Variants in SAMD5 observed in about 807,000 individuals in gnomAD.
SAMD5 encodes the protein sterile alpha motif domain containing 5, also known as sterile alpha motif domain-containing protein 5.
SAMD5 carries 13 observed loss-of-function variants against 11.3 expected under a neutral mutation model. The observed-to-expected ratio is 1.15, with a 90% CI of 0.75 to 1.83. SAMD5 has a LOEUF of 1.83. Among genes scored for constraint, SAMD5 ranks in the 40% most tolerant of loss-of-function variants. SAMD5 has a pLI of 0.00. For missense variants in SAMD5, 255 were observed against 239.1 expected, an observed-to-expected ratio of 1.07 and a Z score of -0.44; for synonymous variants, 129 against 111.3, an observed-to-expected ratio of 1.16 and a Z score of -1.00.
At chr6:147,715,063 G>A (rs1005871480) in intron 1 of SAMD5, among the ~76,000 whole-genome samples, 1 of 152,206 alleles carries the variant, frequency 6.6e-6, no homozygotes, top group African/African-American at 2.4e-5. Context: ...AAAGGGTAGA[G>A]TTTTACACTC....
chr6:147,719,408 A>G (rs976387404), intron 1 of SAMD5, among the ~76,000 whole-genome samples: 3 of 152,146 alleles, frequency 2.0e-5, no homozygotes, highest in Non-Finnish European at 4.4e-5. Context: ...TTGAGGGCCT[A>G]TGGCTCTTAG....
intron 1 of SAMD5, among the ~76,000 whole-genome samples, chr6:147,553,007 GT>G (rs1788798964): frequency 6.6e-6 from 1 of 152,150 alleles, no homozygotes; most frequent in Non-Finnish European, 1.5e-5. Context: ...TTAGGGGTGG[GT>G]TTACATCACT....
chr6:147,857,439 C>G, the SAMD5 span, among the ~76,000 whole-genome samples: 51 of 151,634 alleles, frequency 3.4e-4, 1 homozygote, highest in East Asian at 6.4e-3. Context: ...CTCAGGATGT[C>G]GAGACTGCAG....
chr6:147,691,958 T>G (rs1371595518), intron 1 of SAMD5, among the ~76,000 whole-genome samples: 1 of 139,388 alleles, frequency 7.2e-6, no homozygotes, highest in Non-Finnish European at 1.5e-5. Flanking sequence ...CCTTCAGCTA[T>G]AAGTAGGATG....
At position 147,703,929 on chromosome 6, in the gene SAMD5, T is replaced by C. The variant is rs190690325; in HGVS notation, c.163-33388T>C. ...TATTTATTTTTAGACGGATTCTTGCTCTGACGCCCAGGCTGGAGTGCAGTG... is the reference window on the plus strand; with the variant it reads ...TATTTATTTTTAGACGGATTCTTGCCCTGACGCCCAGGCTGGAGTGCAGTG... On this transcript the variant is annotated intron_variant, in intron 1 of 1. Transcript: ENST00000566741. Among the ~76,000 whole-genome samples, 14 of 152,336 alleles carry C rather than the reference T, an allele frequency of 9.2e-5. No homozygotes were observed. In the East Asian group the frequency reaches 2.7e-3, roughly 29 times the overall value.
At chr6:147,705,771 G>T (rs1791317408) in intron 1 of SAMD5, among the ~76,000 whole-genome samples, 1 of 152,108 alleles carries the variant, frequency 6.6e-6, no homozygotes, top group African/African-American at 2.4e-5. Flanking sequence ...TATTGATTTG[G>T]GCATAATTAT....
chr6:147,591,857 C>T (rs1438571083), intron 1 of SAMD5, among the ~76,000 whole-genome samples: 2 of 152,112 alleles, frequency 1.3e-5, no homozygotes, highest in Non-Finnish European at 2.9e-5. Context: ...TCCCCAGAGC[C>T]TTCTCAGAGT....
At chr6:147,661,083 G>A (rs1413840707) in intron 1 of SAMD5, among the ~76,000 whole-genome samples, 4 of 152,150 alleles carry the variant, frequency 2.6e-5, no homozygotes, top group African/African-American at 9.7e-5. Flanking sequence ...CGGTGTGAAA[G>A]TTCTGGATGA....
At chr6:147,903,051 C>T in the SAMD5 span, among the ~76,000 whole-genome samples, 1 of 152,142 alleles carries the variant, frequency 6.6e-6, no homozygotes, top group Non-Finnish European at 1.5e-5. Context: ...TCTATAATAT[C>T]AAAAGGTAAG....
the SAMD5 span, among the ~76,000 whole-genome samples, chr6:147,781,159 G>GTTT: frequency 7.3e-6 from 1 of 137,768 alleles, no homozygotes; most frequent in Non-Finnish European, 1.6e-5. Context: ...TTTTGGATTT[G>GTTT]TTTTTTTTTT....
At chr6:147,706,517 C>T (rs894873774) in intron 1 of SAMD5, among the ~76,000 whole-genome samples, 7 of 152,130 alleles carry the variant, frequency 4.6e-5, no homozygotes, top group Non-Finnish European at 1.0e-4. Flanking sequence ...CGTGAGCCAC[C>T]GCACCCAGCC....
chr6:147,952,636 T>C, the SAMD5 span, among the ~76,000 whole-genome samples: 1 of 152,052 alleles, frequency 6.6e-6, no homozygotes, highest in Admixed American at 6.6e-5. Flanking sequence ...TCAGCCTCCC[T>C]AGTAGCTGGG....
the SAMD5 span, among the ~76,000 whole-genome samples, chr6:147,917,330 T>A: frequency 6.7e-6 from 1 of 148,196 alleles, no homozygotes; most frequent in Non-Finnish European, 1.5e-5. Context: ...TTTTTTCATG[T>A]GTTTTTTGGC....
intron 1 of SAMD5, among the ~76,000 whole-genome samples, chr6:147,685,762 C>T (rs555869954): frequency 1.3e-5 from 2 of 152,116 alleles, no homozygotes; most frequent in African/African-American, 4.8e-5. Flanking sequence ...TTTTGTAGAA[C>T]ATCATGTGGG....
intron 1 of SAMD5, among the ~76,000 whole-genome samples, chr6:147,665,022 A>G (rs1037021107): frequency 1.3e-5 from 2 of 152,188 alleles, no homozygotes; most frequent in African/African-American, 4.8e-5. Context: ...GAATCATTCA[A>G]CCTTGTTTAA....
At chr6:147,591,237 A>G (rs187651523) in intron 1 of SAMD5, among the ~76,000 whole-genome samples, 3 of 152,284 alleles carry the variant, frequency 2.0e-5, no homozygotes, top group Admixed American at 6.5e-5. Flanking sequence ...TCATATTGAT[A>G]AGAAAAGCAC....
At chr6:147,854,973 A>G in the SAMD5 span, among the ~76,000 whole-genome samples, 1 of 152,210 alleles carries the variant, frequency 6.6e-6, no homozygotes, top group African/African-American at 2.4e-5. Flanking sequence ...ACAGTTTTGT[A>G]CTAATGCTGT....
At chr6:147,585,090 C>T (rs1789355207) in intron 1 of SAMD5, among the ~76,000 whole-genome samples, 1 of 152,082 alleles carries the variant, frequency 6.6e-6, no homozygotes, top group Non-Finnish European at 1.5e-5. Flanking sequence ...AATGTCTCAC[C>T]CACTTCCATG....
chr6:147,925,730 T>A, the SAMD5 span, among the ~76,000 whole-genome samples: 1 of 150,816 alleles, frequency 6.6e-6, no homozygotes, highest in Non-Finnish European at 1.5e-5. Flanking sequence ...TGTGCAGGTT[T>A]GTTATATAGG....
Sources: allele counts gnomAD v4.1 joint callset (sites outside exome capture counted in the v4.1 genomes callset), GRCh38; gene constraint gnomAD v4.1.1; transcripts MANE v1.5; gene names NCBI Gene and HGNC (gene_info 2026-07-23, HGNC 2026-07-21).